The following SH2D3A variants were observed in gnomAD, a reference collection of about 807,000 sequenced individuals.
The protein encoded by SH2D3A is SH2 domain-containing protein 3A.
SH2D3A carries 46 observed loss-of-function variants against 50.6 expected under a neutral mutation model. The observed-to-expected ratio is 0.91, with a 90% CI of 0.72 to 1.16. SH2D3A has a LOEUF of 1.16. Among genes scored for constraint, SH2D3A ranks in the 50% most tolerant of loss-of-function variants. The probability of loss-of-function intolerance (pLI) is 0.00; values close to 1 mark genes in which losing one functional copy is unlikely to be tolerated. For missense variants in SH2D3A, 783 were observed against 786.2 expected (o/e 1.00, Z 0.05); for synonymous variants, 377 against 348.4 (o/e 1.08, Z -0.91).
chr19:6,766,045 CAA>C (rs1321574114), intron 1 of SH2D3A, among the ~76,000 whole-genome samples: 1 of 152,190 alleles, frequency 6.6e-6, no homozygotes, highest in East Asian at 1.9e-4. Flanking sequence ...TGCAGCCCTG[CAA>C]AGTCTTCTGG....
At chr19:6,756,182 AG>A (rs1304461246) in intron 4 of SH2D3A, among the ~76,000 whole-genome samples, 2 of 148,274 alleles carry the variant, frequency 1.3e-5, no homozygotes, top group African/African-American at 4.9e-5. Context: ...ATTTAAATTA[AG>A]TATATGTTAA....
intron 1 of SH2D3A, among the ~76,000 whole-genome samples, chr19:6,766,388 G>A (rs1419657031): frequency 5.9e-5 from 9 of 152,226 alleles, no homozygotes; most frequent in Non-Finnish European, 1.3e-4. Flanking sequence ...CTGCCTCTGA[G>A]TCCTTTGGGA....
Position 6,753,564 on chromosome 19 carries a change from C to G in SH2D3A, c.1462G>C (p.Gly488Arg), listed in dbSNP as rs148683690. 2.6e-5 allele frequency: 41 copies of G among 1,578,444 alleles called. No homozygotes were observed. Among genetic ancestry groups the G allele is most frequent in the Non-Finnish European group, 3.5e-5 (41 of 1,163,246 alleles). Residue 488 changes from glycine (G) to arginine (R), a missense_variant, in exon 9 of 10, where the codon GGG becomes CGG. Gly to Arg is a moderately radical substitution (Grantham distance 125). Transcript: ENST00000245908. ...CGCTCACAGCTCTCGTCCAGCGGCC[C>G]CGCGACTTCCTCGCCCTCCAGTAGG... is the stretch of plus-strand genomic sequence containing the variant. ...VRLLEGEEVA[G>R]PLDESCERLL...
chr19:6,756,713 C>G (rs1969700484), intron 4 of SH2D3A, among the ~76,000 whole-genome samples: 2 of 151,844 alleles, frequency 1.3e-5, no homozygotes, highest in South Asian at 4.1e-4. Context: ...TCCAACAGTG[C>G]CTGGCTCACT....
chr19:6,760,131 T>C lies in SH2D3A; in HGVS notation c.420-461A>G, dbSNP rs1166738407. Among the ~76,000 whole-genome samples the C allele has an allele frequency of 1.3e-5, 2 of 151,832 alleles. 1 individual carries two copies. Among genetic ancestry groups the C allele is most frequent in the Admixed American group, 1.3e-4 (2 of 15,248 alleles). ...GGCTCATGCCTGTAATCCCAGCACT[T>C]TGGGAGGCCGAGGCGGGTGGATCAC... On this transcript the variant is annotated intron_variant, in intron 3 of 9. Coordinates refer to ENST00000245908, the MANE Select transcript of SH2D3A (RefSeq NM_005490.3).
chr19:6,753,958 G>C, intron 8 of SH2D3A, 94 bp downstream of exon 8: 2 of 1,411,926 alleles, frequency 1.4e-6, no homozygotes, highest in Non-Finnish European at 1.9e-6. Context: ...ACCGGGCCTA[G>C]AACAGATGCA....
chr19:6,764,571 C>A (rs1304735362), intron 1 of SH2D3A: 2 of 152,220 alleles, frequency 1.3e-5, no homozygotes, highest in Non-Finnish European at 2.9e-5. Context: ...AGATGGAAAT[C>A]TCTGTCCTTG....
chr19:6,752,485 GGGCAGGATTCCACCTGAGGCGCGAGGA>G lies in SH2D3A; in HGVS notation c.*81_*107del. ...GTCCCCACCTCTTCTGTGAGGCACA[GGGCAGGATTCCACCTGAGGCGCGAGGA>G]GCCTGGGACGACTCCTTTGGTCTCT... On this transcript the variant is annotated 3_prime_UTR_variant, in exon 10 of 10. Transcript: ENST00000245908. The G allele has an allele frequency of 9.1e-7, 1 of 1,103,648 alleles. No homozygotes were observed. 68.4% of individuals were successfully genotyped at this position (1,103,648 alleles called of 1,614,324 possible). A position where few individuals can be genotyped will look rare whatever the true frequency, so the allele number is the denominator to read the frequency against.
chr19:6,759,841 A>T (rs554968579), intron 3 of SH2D3A, among the ~76,000 whole-genome samples, 171 bp from the exon 4 acceptor site: 8 of 152,318 alleles, frequency 5.3e-5, no homozygotes, highest in African/African-American at 1.9e-4. Flanking sequence ...AGTTGTCACA[A>T]CTAGTAGCAT....
chr19:6,760,808 C>T lies in SH2D3A; in HGVS notation c.249G>A (p.Glu83=). The change falls in exon 3 of 10, where the codon GAG becomes GAA. Residue 83 remains glutamate (E), a synonymous_variant. Coordinates refer to ENST00000245908, the MANE Select transcript of SH2D3A (RefSeq NM_005490.3). ...RPTALFQLED[E]QFPSIPALVH... is the part of the protein sequence containing the mutation. ...CCAGAGCCGGTATGCTGGGGAATTG[C>T]TCATCCTCCAGTTGAAAGAGGGCTG... The T allele has an allele frequency of 6.2e-7, 1 of 1,614,258 alleles. No homozygotes were observed. The highest frequency in any genetic ancestry group is 8.5e-7 in the Non-Finnish European group (1 of 1,180,046).
At chr19:6,765,747 C>CAAAAAAA (rs397945080) in intron 1 of SH2D3A, among the ~76,000 whole-genome samples, 13 of 63,224 alleles carry the variant, frequency 2.1e-4, no homozygotes, top group African/African-American at 5.8e-4. Context: ...GACTCCGTCT[C>CAAAAAAA]AAAAAAAAAA....
chr19:6,756,896 G>A (rs1329040999), intron 4 of SH2D3A, among the ~76,000 whole-genome samples: 1 of 151,514 alleles, frequency 6.6e-6, no homozygotes, highest in Non-Finnish European at 1.5e-5. Context: ...TTTCTTGACG[G>A]AGTCTCACTC....
Position 6,754,123 on chromosome 19 carries a change from CTCCTTCGGAG to C in SH2D3A, c.1303_1312del (p.Leu435AlafsTer13). On this transcript the variant is annotated frameshift_variant, in exon 8 of 10. Coordinates refer to ENST00000245908, the MANE Select transcript of SH2D3A (RefSeq NM_005490.3). LOFTEE classifies it high-confidence loss of function. ...AAAGGCCAGCGCAGCCTCCGTGTGG[CTCCTTCGGAG>C]CTGGCGCCACGTGTGCTCCAACCGG... The C allele has an allele frequency of 6.2e-7, 1 of 1,613,618 alleles. No homozygotes were observed. The highest frequency in any genetic ancestry group is 8.5e-7 in the Non-Finnish European group (1 of 1,179,810).
intron 4 of SH2D3A, chr19:6,758,976 C>G (rs1220779772): frequency 6.6e-6 from 1 of 152,168 alleles, no homozygotes; most frequent in Non-Finnish European, 1.5e-5. Flanking sequence ...GCAAAGGCCC[C>G]GAGGCGGGAA....
intron 1 of SH2D3A, among the ~76,000 whole-genome samples, chr19:6,767,048 G>A (rs1490597439): frequency 6.6e-6 from 1 of 152,170 alleles, no homozygotes; most frequent in African/African-American, 2.4e-5. Context: ...GAGAGATCAG[G>A]AGGAGAGACT....
rs1441169771 is a variant in SH2D3A, at chr19:6,754,572, G to T, written c.1097+44C>A. The T allele has an allele frequency of 5.0e-6, 8 of 1,611,230 alleles. No homozygotes were observed. The African/African-American group carries it at 1.1e-4, about 22-fold the overall frequency. ...CTGTTTGGAGATCTTGGGAAGTGGG[G>T]GGAATTGGCCTCCCCCAACCAAGAT... is the stretch of plus-strand genomic sequence containing the variant. On this transcript the variant is annotated intron_variant, in intron 6 of 9. Coordinates refer to ENST00000245908, the MANE Select transcript of SH2D3A (RefSeq NM_005490.3).
At chr19:6,759,921 C>A (rs936894124) in intron 3 of SH2D3A, among the ~76,000 whole-genome samples, 2 of 152,124 alleles carry the variant, frequency 1.3e-5, no homozygotes, top group African/African-American at 2.4e-5. Flanking sequence ...CCTCCTCCCC[C>A]ACAACTAAGA....
intron 3 of SH2D3A, 93 bp from the exon 4 acceptor site, chr19:6,759,763 C>A (rs568238476): frequency 3.1e-5 from 40 of 1,278,258 alleles, no homozygotes; most frequent in Middle Eastern, 4.0e-4. Flanking sequence ...TACTCTGTAC[C>A]AGTGAGTCTC....
At chr19:6,762,240 A>G (rs1970065278) in intron 2 of SH2D3A, among the ~76,000 whole-genome samples, 2 of 151,828 alleles carry the variant, frequency 1.3e-5, no homozygotes, top group Admixed American at 1.3e-4. Flanking sequence ...CTGGAGTGCA[A>G]TGGCACAATC....
Sources: gnomAD v4.1 joint callset for allele counts (sites outside exome capture counted in the v4.1 genomes callset) on GRCh38, gnomAD v4.1.1 for gene constraint, MANE v1.5 for transcripts, NCBI Gene and HGNC (gene_info 2026-07-23, HGNC 2026-07-21) for gene names.